The following TAF2 variants were observed in gnomAD, a reference collection of about 807,000 sequenced individuals.
TAF2 encodes transcription initiation factor TFIID subunit 2.
In TAF2, 61 loss-of-function variants were observed where a neutral mutation model predicts 138.5. That is an observed-to-expected ratio of 0.44 (90% CI 0.36 to 0.54). The LOEUF (loss-of-function observed/expected upper bound fraction) is 0.54. Among genes scored for constraint, TAF2 ranks in the 20% least tolerant of loss-of-function variants. The pLI is 0.00. For missense variants in TAF2, 1,090 were observed against 1,427.9 expected (o/e 0.76, Z 3.81); for synonymous variants, 475 against 469.9 (o/e 1.01, Z -0.14).
chr8:119,735,039 C>T (rs554580900), intron 25 of TAF2, among the ~76,000 whole-genome samples: 1 of 152,206 alleles, frequency 6.6e-6, no homozygotes, highest in East Asian at 1.9e-4. Context: ...GGAATTAAGT[C>T]AAAGAGAGAT....
intron 2 of TAF2, among the ~76,000 whole-genome samples, chr8:119,829,088 G>C (rs1370734456): frequency 6.6e-6 from 1 of 152,150 alleles, no homozygotes; most frequent in African/African-American, 2.4e-5. Flanking sequence ...GACAACAGTG[G>C]ATGCGTTGGG....
chr8:119,792,113 T>A (rs2131172885), intron 10 of TAF2, among the ~76,000 whole-genome samples: 1 of 152,098 alleles, frequency 6.6e-6, no homozygotes, highest in South Asian at 2.1e-4. Flanking sequence ...TGCAAATATT[T>A]CTGTATGATA....
intron 25 of TAF2, among the ~76,000 whole-genome samples, chr8:119,735,133 G>A (rs1819142076): frequency 6.6e-6 from 1 of 152,116 alleles, no homozygotes; most frequent in Non-Finnish European, 1.5e-5. Flanking sequence ...TCTTAACCAC[G>A]ATGCTACAGT....
chr8:119,813,503 G>A (rs1825238471), intron 3 of TAF2, among the ~76,000 whole-genome samples: 1 of 152,104 alleles, frequency 6.6e-6, no homozygotes, highest in Non-Finnish European at 1.5e-5. Context: ...TGGATCTACT[G>A]GAATGTATAT....
chr8:119,829,263 T>C (rs1826289524), intron 2 of TAF2, among the ~76,000 whole-genome samples: 1 of 152,106 alleles, frequency 6.6e-6, no homozygotes. Context: ...GGAAAGCAAG[T>C]TTATATTAAT....
At chr8:119,776,514 C>G (rs1586399306) in intron 18 of TAF2, among the ~76,000 whole-genome samples, 1 of 141,722 alleles carries the variant, frequency 7.1e-6, no homozygotes, top group Non-Finnish European at 1.5e-5. Context: ...AACCCCGTCT[C>G]TACTAAAAAT....
chr8:119,801,956 A>C lies in TAF2; in HGVS notation c.630T>G (p.Ala210=). ...CGCCATTAGAAACAGCAACCATTGCAGCATCTACTGTAAATTCTAATTTCC... is the reference window on the plus strand; with the variant it reads ...CGCCATTAGAAACAGCAACCATTGCCGCATCTACTGTAAATTCTAATTTCC... ...CTWKLEFTVD[A]AMVAVSNGDL... is the part of the protein sequence containing the mutation. The change falls in exon 6 of 26, where the codon GCT becomes GCG. Residue 210 remains alanine (A), a synonymous_variant. Transcript: ENST00000378164. 1 of 1,614,240 alleles carries C rather than the reference A, an allele frequency of 6.2e-7. No homozygotes were observed. Among genetic ancestry groups the C allele is most frequent in the Non-Finnish European group, 8.5e-7 (1 of 1,180,040 alleles).
At chr8:119,815,552 G>T (rs1415118975) in intron 3 of TAF2, among the ~76,000 whole-genome samples, 1 of 151,814 alleles carries the variant, frequency 6.6e-6, no homozygotes, top group African/African-American at 2.4e-5. Context: ...GGGATTTAAA[G>T]GCGTGAGCCA....
chr8:119,779,432 T>C (rs1028395186), intron 17 of TAF2, among the ~76,000 whole-genome samples: 2 of 152,144 alleles, frequency 1.3e-5, no homozygotes, highest in Non-Finnish European at 2.9e-5. Flanking sequence ...TAACTCCAAT[T>C]TGAAACACTG....
intron 25 of TAF2, among the ~76,000 whole-genome samples, chr8:119,737,724 G>A (rs1014934735): frequency 4.6e-5 from 7 of 151,900 alleles, no homozygotes; most frequent in Non-Finnish European, 1.0e-4. Flanking sequence ...GGCCAGGCTG[G>A]TCTTGAACTC....
At chr8:119,820,276 A>C (rs1825737003) in intron 2 of TAF2, among the ~76,000 whole-genome samples, 1 of 152,214 alleles carries the variant, frequency 6.6e-6, no homozygotes, top group African/African-American at 2.4e-5. Context: ...CAAACATAAA[A>C]CAAGGGACAG....
chr8:119,824,486 C>T (rs1825977469), intron 2 of TAF2, among the ~76,000 whole-genome samples: 3 of 151,810 alleles, frequency 2.0e-5, no homozygotes, highest in Admixed American at 1.3e-4. Context: ...TCCAAGCTGG[C>T]TACAGAAATT....
intron 25 of TAF2, among the ~76,000 whole-genome samples, chr8:119,738,654 A>AAACAAAATAAGGGTTTT (rs1819392165): frequency 6.6e-6 from 1 of 152,174 alleles, no homozygotes; most frequent in African/African-American, 2.4e-5. Context: ...AAAATGCACC[A>AAACAAAATAAGGGTTTT]TGGATAAGGG....
chr8:119,774,006 C>G (rs996464049), intron 18 of TAF2, among the ~76,000 whole-genome samples: 11 of 151,368 alleles, frequency 7.3e-5, no homozygotes, highest in Non-Finnish European at 1.6e-4. Flanking sequence ...CCTGTCTCTA[C>G]TAAAAATACA....
chr8:119,760,733 AAAC>A lies in TAF2; in HGVS notation c.2561_2563del (p.Cys854del). 1 of 1,613,916 alleles carries A rather than the reference AAAC, an allele frequency of 6.2e-7. No homozygotes were observed. The highest frequency in any genetic ancestry group is 8.5e-7 in the Non-Finnish European group (1 of 1,179,894). The stretch of plus-strand genomic sequence containing the variant: ...CTTCTGAAGTACCCGTATGGCTCTC[AAAC>A]AACTAGGGAAAAAAATACGTATGTT... On this transcript the variant is annotated inframe_deletion and splice_region_variant, in exon 20 of 26. Transcript: ENST00000378164.
At chr8:119,749,834 G>T (rs57984633) in intron 22 of TAF2, among the ~76,000 whole-genome samples, 1,658 of 152,126 alleles carry the variant, frequency 0.011, 32 homozygotes, top group African/African-American at 0.038. Flanking sequence ...TTATGGCAAC[G>T]AATGATCACA....
intron 18 of TAF2, among the ~76,000 whole-genome samples, chr8:119,765,029 T>C (rs1821324779): frequency 1.3e-5 from 2 of 152,300 alleles, no homozygotes; most frequent in East Asian, 1.9e-4. Context: ...AAATATCTGG[T>C]TGAGAGGAAA....
intron 18 of TAF2, among the ~76,000 whole-genome samples, chr8:119,768,968 G>A (rs1163471317): frequency 6.6e-6 from 1 of 152,176 alleles, no homozygotes; most frequent in African/African-American, 2.4e-5. Context: ...CCCAGTACAG[G>A]AGTGTGACAG....
chr8:119,743,787 A>G (rs986615988), intron 24 of TAF2, among the ~76,000 whole-genome samples: 15 of 152,204 alleles, frequency 9.9e-5, no homozygotes, highest in African/African-American at 3.6e-4. Flanking sequence ...CCTAATGCCT[A>G]TCAATAAGGA....
Sources: gnomAD v4.1 joint callset for allele counts (sites outside exome capture counted in the v4.1 genomes callset) on GRCh38, gnomAD v4.1.1 for gene constraint, MANE v1.5 for transcripts, NCBI Gene and HGNC (gene_info 2026-07-23, HGNC 2026-07-21) for gene names.